The following EYS variants were observed in gnomAD, a reference collection of about 807,000 sequenced individuals.
The protein encoded by EYS is EGF-like photoreceptor maintenance factor, also known as protein eyes shut homolog.
EYS carries 250 observed loss-of-function variants against 282.1 expected under a neutral mutation model. That is an observed-to-expected ratio of 0.89 (90% CI 0.80 to 0.98). EYS has a LOEUF of 0.98. Among genes scored for constraint, EYS ranks in the 50% least tolerant of loss-of-function variants. The probability of loss-of-function intolerance (pLI) is 0.00; values close to 1 mark genes in which losing one functional copy is unlikely to be tolerated. For synonymous variants in EYS, 1,355 were observed against 1,282.9 expected (o/e 1.06, Z -1.20); for missense variants, 4,016 against 3,709.0 (o/e 1.08, Z -2.15).
At chr6:65,696,791 AT>A (rs1333285985) in intron 1 of EYS, among the ~76,000 whole-genome samples, 2 of 152,048 alleles carry the variant, frequency 1.3e-5, no homozygotes, top group Non-Finnish European at 2.9e-5. Context: ...TTTGAAATGT[AT>A]TTTATGCACT....
At chr6:64,897,326 C>T (rs563558664) in intron 18 of EYS, among the ~76,000 whole-genome samples, 19 of 152,226 alleles carry the variant, frequency 1.2e-4, no homozygotes, top group Admixed American at 8.5e-4. Flanking sequence ...CCGCAGTGGA[C>T]CTCCAGCAAA....
chr6:64,617,862 A>G (rs143149757), intron 23 of EYS, among the ~76,000 whole-genome samples: 2 of 152,252 alleles, frequency 1.3e-5, no homozygotes, highest in South Asian at 2.1e-4. Flanking sequence ...GTCTTTACTT[A>G]TTTTACTTTG....
At chr6:64,392,807 A>G (rs1043595759) in intron 28 of EYS, among the ~76,000 whole-genome samples, 1 of 151,762 alleles carries the variant, frequency 6.6e-6, no homozygotes, top group Admixed American at 6.6e-5. Context: ...TAGAGACACA[A>G]AAAACCCTTC....
At chr6:64,519,628 G>A (rs1777667794) in intron 26 of EYS, among the ~76,000 whole-genome samples, 1 of 151,778 alleles carries the variant, frequency 6.6e-6, no homozygotes, top group African/African-American at 2.4e-5. Context: ...TTGGAAAAAC[G>A]GTGGCTATAA....
intron 12 of EYS, among the ~76,000 whole-genome samples, chr6:65,068,294 T>C (rs1411766990): frequency 2.0e-5 from 3 of 152,100 alleles, no homozygotes; most frequent in African/African-American, 7.2e-5. Context: ...CACCCTCCCA[T>C]GGCTAATCCA....
At chr6:64,915,839 C>T (rs907949116) in intron 15 of EYS, among the ~76,000 whole-genome samples, 1 of 152,080 alleles carries the variant, frequency 6.6e-6, no homozygotes, top group African/African-American at 2.4e-5. Context: ...CAAAGGATAA[C>T]AGTGATGTAT....
In EYS at chr6:64,912,716, T is replaced by G. The variant is rs191325005; in HGVS notation, c.2409A>C (p.Gly803=). The G allele has an allele frequency of 6.9e-7, 1 of 1,447,622 alleles. No homozygotes were observed. The highest frequency in any genetic ancestry group is 9.2e-7 in the Non-Finnish European group (1 of 1,092,434). The allele number at this position is 1,447,622 out of a possible 1,614,324, so 89.7% of individuals were successfully genotyped here. A position where few individuals can be genotyped will look rare whatever the true frequency, so the allele number is the denominator to read the frequency against. Residue 803 remains glycine (G), a synonymous_variant, in exon 16 of 43, where the codon GGA becomes GGC. Transcript: ENST00000503581. ...YRCECTSGWT[G]QNCSEEINEC... The stretch of plus-strand genomic sequence containing the variant: ...CATTTATTTCTTCACTACAGTTCTG[T>G]CCAGTCCATCCAGATGTACACTCAC...
chr6:64,611,045 C>T (rs539254342), intron 24 of EYS, among the ~76,000 whole-genome samples: 3 of 152,024 alleles, frequency 2.0e-5, no homozygotes, highest in African/African-American at 7.2e-5. Flanking sequence ...AATTTTGTTT[C>T]TTCCCCCATG....
Position 65,246,644 on chromosome 6 carries a change from C to T in EYS, c.2023+49219G>A, listed in dbSNP as rs145687378. 3.4e-4 allele frequency among the ~76,000 whole-genome samples: 51 copies of T among 152,124 alleles called. No individual in the cohort carries two copies. The East Asian group carries it at 6.4e-3, about 19-fold the overall frequency. On this transcript the variant is annotated intron_variant, in intron 12 of 42. Transcript: ENST00000503581. ...TATATCCTCCCATTTGCTCATATTG[C>T]CTTTTCTAAATACATCTGAAACACG...
At chr6:64,720,904 T>C (rs979006600) in intron 22 of EYS, among the ~76,000 whole-genome samples, 1 of 152,248 alleles carries the variant, frequency 6.6e-6, no homozygotes, top group Non-Finnish European at 1.5e-5. Context: ...TGCATTTTTT[T>C]ATGAAAGCCT....
rs566395430 is a variant in EYS at position 64,817,391 on chromosome 6, A to G, written c.3244-3814T>C. 2.6e-4 allele frequency among the ~76,000 whole-genome samples: 40 copies of G among 152,314 alleles called. No individual in the cohort carries two copies. In the South Asian group the frequency reaches 8.3e-3, roughly 32 times the overall value. On this transcript the variant is annotated intron_variant, in intron 21 of 42. Transcript: ENST00000503581. ...AATAACAAAAAATAGAAAAATATAC[A>G]TGATATACATGGCAGACAAAATGTA... is the stretch of plus-strand genomic sequence containing the variant.
rs968303554 is a variant in EYS at position 65,289,595 on chromosome 6, G to A, written c.2023+6268C>T. On this transcript the variant is annotated intron_variant, in intron 12 of 42. Transcript: ENST00000503581. Reference sequence around the variant, plus strand: ...AGACATTTTGAAGTATATGCGTAAGGTAAATTTCTTCCAAATATCCAAGCA... The same window carrying A: ...AGACATTTTGAAGTATATGCGTAAGATAAATTTCTTCCAAATATCCAAGCA... Among the ~76,000 whole-genome samples, 7 of 151,146 alleles carry A rather than the reference G, an allele frequency of 4.6e-5. No homozygotes were observed. In the South Asian group the frequency reaches 1.5e-3, roughly 31 times the overall value.
chr6:64,636,386 T>G (rs1767982787), intron 22 of EYS, among the ~76,000 whole-genome samples: 1 of 152,192 alleles, frequency 6.6e-6, no homozygotes, highest in East Asian at 1.9e-4. Flanking sequence ...TGGCTAGCCA[T>G]ATGTAGAAAG....
At chr6:63,821,356 G>T (rs1187608640) in intron 36 of EYS, 1 of 152,056 alleles carries the variant, frequency 6.6e-6, no homozygotes, top group Non-Finnish European at 1.5e-5. Context: ...AAAACCAGCT[G>T]GTGACTCTTG....
At chr6:65,634,276 G>A (rs1767014885) in intron 2 of EYS, among the ~76,000 whole-genome samples, 1 of 152,072 alleles carries the variant, frequency 6.6e-6, no homozygotes, top group Admixed American at 6.5e-5. Flanking sequence ...GGACTTCGTG[G>A]ATCTATAAAG....
intron 26 of EYS, among the ~76,000 whole-genome samples, chr6:64,584,137 A>G (rs1201867833): frequency 6.6e-6 from 1 of 152,074 alleles, no homozygotes; most frequent in Non-Finnish European, 1.5e-5. Flanking sequence ...AATAAAACAC[A>G]TATTTGCAAA....
rs576909369 is a variant in EYS at position 64,711,567 on chromosome 6, G to A, written c.3444-85322C>T. 1.6e-4 allele frequency among the ~76,000 whole-genome samples: 24 copies of A among 152,192 alleles called. No homozygotes were observed. In the South Asian group the frequency reaches 2.9e-3, roughly 18 times the overall value. ...GTTTGGCCTAGTCTTAGGCATCACC[G>A]GAAAATGTAAAGAATATAATGAATC... On this transcript the variant is annotated intron_variant, in intron 22 of 42. Coordinates refer to ENST00000503581, the MANE Select transcript of EYS (RefSeq NM_001142800.2).
In EYS at chr6:65,494,990, G is replaced by T; in HGVS notation, c.421C>A (p.Leu141Met). Residue 141 changes from leucine (L) to methionine (M), a missense_variant, in exon 4 of 43, where the codon CTG (leucine) becomes ATG (methionine). Coordinates refer to ENST00000503581, the MANE Select transcript of EYS (RefSeq NM_001142800.2). Reference sequence around the variant, plus strand: ...ATAAAATAATGTGTCCCAACACTCAGCCACTTAGAATTAACAGTGTGCATT... The same window carrying T: ...ATAAAATAATGTGTCCCAACACTCATCCACTTAGAATTAACAGTGTGCATT... ...KGMHTVNSKW[L>M]SVGTHYFITV... 6.2e-7 allele frequency: 1 copy of T among 1,614,118 alleles called. No individual in the cohort carries two copies. Among genetic ancestry groups the T allele is most frequent in the African/African-American group, 1.3e-5 (1 of 75,060 alleles).
At chr6:65,403,920 A>T (rs1178052379) in intron 6 of EYS, among the ~76,000 whole-genome samples, 1 of 152,080 alleles carries the variant, frequency 6.6e-6, no homozygotes, top group Non-Finnish European at 1.5e-5. Flanking sequence ...TTATTGTATT[A>T]GTTTTCTATT....
Sources: allele counts gnomAD v4.1 joint callset (sites outside exome capture counted in the v4.1 genomes callset), GRCh38; gene constraint gnomAD v4.1.1; transcripts MANE v1.5; gene names NCBI Gene and HGNC (gene_info 2026-07-23, HGNC 2026-07-21).